SPATA7: variants seen among roughly 807,000 people sequenced by gnomAD.
SPATA7 encodes spermatogenesis-associated protein 7.
Under a neutral mutation model 51.8 loss-of-function variants are expected in SPATA7, and 43 were observed. The observed-to-expected ratio is 0.83, with a 90% CI of 0.65 to 1.07. The LOEUF (loss-of-function observed/expected upper bound fraction) is 1.07, where lower values mean the gene tolerates loss of function less well. Ranked by LOEUF, SPATA7 falls within the 50% of genes least tolerant of loss-of-function variation. The pLI is 0.00. For synonymous variants in SPATA7, 230 were observed against 252.8 expected, an observed-to-expected ratio of 0.91 and a Z score of 0.86; for missense variants, 683 against 701.3, an observed-to-expected ratio of 0.97 and a Z score of 0.30.
chr14:88,393,570 A>C (rs2075801040), intron 3 of SPATA7, 82 bp downstream of exon 3: 2 of 980,386 alleles, frequency 2.0e-6, no homozygotes, highest in Admixed American at 4.0e-5. Context: ...CTATAGCAAA[A>C]ATGAATACCT....
chr14:88,395,640 C>G (rs1015556815), intron 3 of SPATA7, among the ~76,000 whole-genome samples: 7 of 152,016 alleles, frequency 4.6e-5, no homozygotes, highest in Non-Finnish European at 7.4e-5. Flanking sequence ...TTTGCCTCTT[C>G]ATATCCAAAT....
chr14:88,433,593 G>T (rs1375839792), intron 10 of SPATA7, among the ~76,000 whole-genome samples: 1 of 152,140 alleles, frequency 6.6e-6, no homozygotes, highest in East Asian at 1.9e-4. Flanking sequence ...ATTAGTATTA[G>T]ATCTAGTAAA....
rs117254870 is a variant in SPATA7, at chr14:88,452,873, C to T, written c.178-2187C>T. On this transcript the variant is annotated intron_variant, in intron 3 of 3. Coordinates refer to the SPATA7 transcript ENST00000554802. ...ATGTCCTGCCATCCTCTCCGAAGCACCCTGTGTCAATCACACCTACTCGCT... is the reference window on the plus strand; with the variant it reads ...ATGTCCTGCCATCCTCTCCGAAGCATCCTGTGTCAATCACACCTACTCGCT... Among the ~76,000 whole-genome samples, 583 of 152,300 alleles carry T rather than the reference C, an allele frequency of 3.8e-3. 1 individual carries two copies. Among genetic ancestry groups the T allele is most frequent in the Non-Finnish European group, 5.5e-3 (373 of 68,028 alleles).
At chr14:88,424,990 T>TA (rs991777452) in intron 5 of SPATA7, among the ~76,000 whole-genome samples, 4 of 152,134 alleles carry the variant, frequency 2.6e-5, no homozygotes, top group South Asian at 2.1e-4. Context: ...TTTTATGCTG[T>TA]AAAAAAAATC....
intron 4 of SPATA7, among the ~76,000 whole-genome samples, chr14:88,403,149 T>G (rs984927544): frequency 6.6e-6 from 1 of 152,068 alleles, no homozygotes; most frequent in African/African-American, 2.4e-5. Context: ...TGAGAATGGC[T>G]ATCAAAAAGA....
intron 4 of SPATA7, among the ~76,000 whole-genome samples, chr14:88,411,287 T>C (rs532457376): frequency 6.6e-6 from 1 of 152,304 alleles, no homozygotes; most frequent in African/African-American, 2.4e-5. Context: ...TTCACGCCAG[T>C]GGATCTTAGC....
downstream of SPATA7, among the ~76,000 whole-genome samples, chr14:88,458,208 T>C (rs1425925181): frequency 1.3e-5 from 2 of 152,156 alleles, no homozygotes; most frequent in Non-Finnish European, 2.9e-5. Context: ...TGTGTCTTTG[T>C]CAGGCTTTGG....
intron 4 of SPATA7, among the ~76,000 whole-genome samples, chr14:88,399,188 A>T (rs994172712): frequency 1.3e-5 from 2 of 152,214 alleles, no homozygotes. Context: ...AGGAATGGTT[A>T]ACTCATCTCT....
intron 3 of SPATA7, among the ~76,000 whole-genome samples, chr14:88,451,717 G>T (rs769534374): frequency 6.7e-5 from 10 of 150,348 alleles, no homozygotes; most frequent in Non-Finnish European, 1.3e-4. Flanking sequence ...TAGAGACAGG[G>T]TTTTGCCACG....
At position 88,399,046 on chromosome 14, in the gene SPATA7, C is replaced by T. The variant is rs148907001; in HGVS notation, c.238+2843C>T. The stretch of plus-strand genomic sequence containing the variant: ...CAGCCTGGGCAACAGTGCAAGACTC[C>T]GTCTCAAAAAAAAAAAAAAAGAAAA... On this transcript the variant is annotated intron_variant, in intron 4 of 11. Transcript: ENST00000393545. 8.9e-3 allele frequency among the ~76,000 whole-genome samples: 1,299 copies of T among 145,956 alleles called. 20 individuals are homozygous for T. Among genetic ancestry groups the T allele is most frequent in the African/African-American group, 0.032 (1,239 of 39,274 alleles).
chr14:88,433,268 A>G, intron 10 of SPATA7, 56 bp downstream of exon 10: 1 of 1,193,136 alleles, frequency 8.4e-7, no homozygotes, highest in Non-Finnish European at 1.2e-6. Context: ...TATTCTTCAT[A>G]TTTCTTCATA....
At chr14:88,424,265 A>C (rs1231691797) in intron 5 of SPATA7, among the ~76,000 whole-genome samples, 1 of 152,244 alleles carries the variant, frequency 6.6e-6, no homozygotes. Flanking sequence ...TAAAGGAAAC[A>C]AGATGCAGAT....
At chr14:88,416,996 G>T in intron 5 of SPATA7, 152 bp downstream of exon 5, 1 of 644,464 alleles carries the variant, frequency 1.6e-6, no homozygotes, top group Admixed American at 3.0e-5. Flanking sequence ...TCAGGCCTCT[G>T]TCACAACTAC....
At chr14:88,419,384 T>C (rs2076573743) in intron 5 of SPATA7, among the ~76,000 whole-genome samples, 1 of 152,060 alleles carries the variant, frequency 6.6e-6, no homozygotes, top group Non-Finnish European at 1.5e-5. Flanking sequence ...AAATTAGCTT[T>C]ATTTTGACTA....
Position 88,389,487 on chromosome 14 carries a change from G to A in SPATA7, c.20-1894G>A, listed in dbSNP as rs144884334. On this transcript the variant is annotated intron_variant, in intron 1 of 11. Transcript: ENST00000393545. ...CCCAAAGTGCTGGGATTACAAGCAC[G>A]AGCCATTGTGCTCAGCCCTAATTCT... Among the ~76,000 whole-genome samples the A allele has an allele frequency of 6.0e-3, 915 of 152,232 alleles. 6 individuals carry two copies. Among genetic ancestry groups the A allele is most frequent in the African/African-American group, 0.02 (830 of 41,536 alleles).
At chr14:88,432,474 T>G (rs1459269105) in intron 9 of SPATA7, 1 of 152,216 alleles carries the variant, frequency 6.6e-6, no homozygotes, top group Non-Finnish European at 1.5e-5. Flanking sequence ...TATCCTAATT[T>G]TCTTGTAATA....
intron 3 of SPATA7, among the ~76,000 whole-genome samples, chr14:88,395,067 A>G (rs1434273050): frequency 6.6e-6 from 1 of 151,886 alleles, no homozygotes; most frequent in Non-Finnish European, 1.5e-5. Context: ...TGGTGTTTTC[A>G]TTTTCTTGTT....
chr14:88,425,515 C>CT, intron 5 of SPATA7, among the ~76,000 whole-genome samples: 1 of 152,142 alleles, frequency 6.6e-6, no homozygotes, highest in South Asian at 2.1e-4. Context: ...GGCAAAGCTT[C>CT]TTAGACATTT....
rs150648772 is a variant in SPATA7 at position 88,388,780 on chromosome 14, G to T, written c.20-2601G>T. Among the ~76,000 whole-genome samples the T allele has an allele frequency of 5.1e-3, 775 of 152,170 alleles. 10 individuals are homozygous for T. The highest frequency in any genetic ancestry group is 0.018 in the African/African-American group (746 of 41,510). ...TAAAAAGATAAGAAAACTGTATTTGGTACCTAGAATTACGGGAAAGTACTC... is the reference window on the plus strand; with the variant it reads ...TAAAAAGATAAGAAAACTGTATTTGTTACCTAGAATTACGGGAAAGTACTC... On this transcript the variant is annotated intron_variant, in intron 1 of 11. Transcript: ENST00000393545.
Sources: gnomAD v4.1 joint callset for allele counts (sites outside exome capture counted in the v4.1 genomes callset) on GRCh38, gnomAD v4.1.1 for gene constraint, MANE v1.5 for transcripts, NCBI Gene and HGNC (gene_info 2026-07-23, HGNC 2026-07-21) for gene names.